Variants in CSMD1 observed in about 807,000 individuals in gnomAD.
CSMD1 encodes the protein CUB and Sushi multiple domains 1.
CSMD1 carries 213 observed loss-of-function variants against 417.5 expected under a neutral mutation model. The observed-to-expected ratio is 0.51, with a 90% CI of 0.46 to 0.57. The LOEUF (loss-of-function observed/expected upper bound fraction) is 0.57. Ranked by LOEUF, CSMD1 falls within the 20% of genes least tolerant of loss-of-function variation. The pLI, the probability that CSMD1 is intolerant of heterozygous loss-of-function variation, is 0.00. For missense variants in CSMD1, 6,923 were observed against 4,529.7 expected (o/e 1.53, Z -15.17); for synonymous variants, 2,862 against 1,736.8 (o/e 1.65, Z -16.11).
intron 5 of CSMD1, among the ~76,000 whole-genome samples, chr8:3,974,527 G>T (rs111324502): frequency 6.6e-6 from 1 of 151,964 alleles, no homozygotes; most frequent in African/African-American, 2.4e-5. Flanking sequence ...TTTCATAGTA[G>T]TTGTTTAGTT....
chr8:3,290,062 A>G (rs1803435841), intron 25 of CSMD1, among the ~76,000 whole-genome samples: 2 of 147,170 alleles, frequency 1.4e-5, no homozygotes, highest in African/African-American at 5.4e-5. Context: ...CAGTTTTCCC[A>G]GCACCATTTA....
At chr8:4,465,876 G>T (rs1327747243) in intron 2 of CSMD1, among the ~76,000 whole-genome samples, 1 of 152,124 alleles carries the variant, frequency 6.6e-6, no homozygotes, top group African/African-American at 2.4e-5. Flanking sequence ...ATTGTATCTG[G>T]AAGTGGCTGA....
At chr8:3,621,991 A>ATGTGTGTGTGTGTGTGTGTGTATG (rs1554491014) in intron 7 of CSMD1, among the ~76,000 whole-genome samples, 25 of 143,094 alleles carry the variant, frequency 1.7e-4, no homozygotes, top group African/African-American at 6.1e-4. Context: ...GTGTGTGTGT[A>ATGTGTGTGTGTGTGTGTGTGTATG]TGTGTGTGTG....
At chr8:4,170,830 T>C (rs375562231) in intron 3 of CSMD1, among the ~76,000 whole-genome samples, 2 of 152,002 alleles carry the variant, frequency 1.3e-5, no homozygotes, top group South Asian at 4.1e-4. Context: ...TCTTCTCTCA[T>C]TTATAACATA....
intron 57 of CSMD1, among the ~76,000 whole-genome samples, chr8:2,967,136 A>G (rs1804041292): frequency 6.6e-6 from 1 of 152,226 alleles, no homozygotes; most frequent in African/African-American, 2.4e-5. Flanking sequence ...TATCTATGAT[A>G]TTAGCAACAC....
intron 3 of CSMD1, among the ~76,000 whole-genome samples, chr8:4,049,663 G>A (rs978142835): frequency 3.3e-5 from 5 of 152,030 alleles, no homozygotes; most frequent in Admixed American, 6.6e-5. Flanking sequence ...TAATCGACAA[G>A]CATAGGTATA....
intron 5 of CSMD1, among the ~76,000 whole-genome samples, chr8:3,888,340 G>A (rs1806704446): frequency 6.6e-6 from 1 of 152,144 alleles, no homozygotes; most frequent in Admixed American, 6.6e-5. Flanking sequence ...AAAGTCAAAG[G>A]ATGGTGATTA....
intron 11 of CSMD1, among the ~76,000 whole-genome samples, chr8:3,473,690 T>C (rs893115226): frequency 6.6e-6 from 1 of 152,192 alleles, no homozygotes; most frequent in Admixed American, 6.5e-5. Flanking sequence ...TTTTGTTGAA[T>C]GTCATTTCAT....
At chr8:4,787,622 G>C in intron 1 of CSMD1, 2 of 1,568,144 alleles carry the variant, frequency 1.3e-6, no homozygotes, top group Non-Finnish European at 1.8e-6. Flanking sequence ...CAGAAGAATA[G>C]CAACTGGTTC....
intron 5 of CSMD1, among the ~76,000 whole-genome samples, chr8:3,770,824 A>T (rs1798526836): frequency 6.6e-6 from 1 of 152,088 alleles, no homozygotes; most frequent in Non-Finnish European, 1.5e-5. Context: ...TTAGCAGCTG[A>T]CCTAAGAAAA....
chr8:4,836,993 G>C (rs1054008224), intron 1 of CSMD1, among the ~76,000 whole-genome samples: 5 of 152,028 alleles, frequency 3.3e-5, no homozygotes, highest in African/African-American at 4.8e-5. Flanking sequence ...GTTGTTAAGA[G>C]ACCACCCAGA....
At position 4,184,034 on chromosome 8, in the gene CSMD1, G is replaced by T. The variant is rs192449667; in HGVS notation, c.416-151935C>A. 4.1e-3 allele frequency among the ~76,000 whole-genome samples: 631 copies of T among 152,284 alleles called. 3 individuals carry two copies. The highest frequency in any genetic ancestry group is 5.8e-3 in the Non-Finnish European group (395 of 68,030). ...GGTACAGTTAATGTTTGCTGATAAT[G>T]ATGGCAAATTCTGTTATTATCTACC... On this transcript the variant is annotated intron_variant, in intron 3 of 69. Coordinates refer to ENST00000635120, the MANE Select transcript of CSMD1 (RefSeq NM_033225.6).
intron 18 of CSMD1, chr8:3,373,602 A>G (rs577529429): frequency 1.3e-5 from 2 of 152,326 alleles, no homozygotes; most frequent in South Asian, 4.1e-4. Context: ...TAGTGTCTAT[A>G]CAGGTGAGGG....
chr8:4,856,535 G>A (rs1739449721), intron 1 of CSMD1, among the ~76,000 whole-genome samples: 1 of 139,326 alleles, frequency 7.2e-6, no homozygotes, highest in Non-Finnish European at 1.5e-5. Context: ...CACGTGCAGA[G>A]ACACACATAG....
chr8:3,722,321 A>G (rs1802229083), intron 6 of CSMD1, among the ~76,000 whole-genome samples: 1 of 152,146 alleles, frequency 6.6e-6, no homozygotes, highest in African/African-American at 2.4e-5. Flanking sequence ...TAAATAAATA[A>G]ATAGATATAA....
intron 18 of CSMD1, among the ~76,000 whole-genome samples, chr8:3,384,898 A>ATTT: frequency 1.6e-5 from 2 of 122,342 alleles, no homozygotes; most frequent in East Asian, 4.4e-4. Flanking sequence ...TATAATATAT[A>ATTT]TTATATATGC....
chr8:3,451,185 G>A (rs1300133448), intron 12 of CSMD1, among the ~76,000 whole-genome samples: 1 of 152,174 alleles, frequency 6.6e-6, no homozygotes, highest in Non-Finnish European at 1.5e-5. Flanking sequence ...TTGTAAATTT[G>A]TTTGAGTTCA....
At chr8:3,382,998 A>C (rs1239988201) in intron 18 of CSMD1, among the ~76,000 whole-genome samples, 1 of 152,218 alleles carries the variant, frequency 6.6e-6, no homozygotes, top group Non-Finnish European at 1.5e-5. Flanking sequence ...AAGTCAGCCG[A>C]ACAATGAGAG....
intron 10 of CSMD1, among the ~76,000 whole-genome samples, chr8:3,549,138 C>T (rs537490986): frequency 1.3e-5 from 2 of 152,302 alleles, no homozygotes; most frequent in South Asian, 4.2e-4. Flanking sequence ...GTTTGCTTTG[C>T]TTCTAGATTG....
Sources: gnomAD v4.1 joint callset for allele counts (sites outside exome capture counted in the v4.1 genomes callset) on GRCh38, gnomAD v4.1.1 for gene constraint, MANE v1.5 for transcripts, NCBI Gene and HGNC (gene_info 2026-07-23, HGNC 2026-07-21) for gene names.